Variants in PLEKHH2 observed in about 807,000 individuals in gnomAD.
The protein encoded by PLEKHH2 is pleckstrin homology, MyTH4 and FERM domain containing H2.
PLEKHH2 carries 129 observed loss-of-function variants against 187.9 expected under a neutral mutation model. That is an observed-to-expected ratio of 0.69 (90% CI 0.59 to 0.79). PLEKHH2 has a LOEUF of 0.79. Among genes scored for constraint, PLEKHH2 ranks in the 30% least tolerant of loss-of-function variants. The pLI, the probability that PLEKHH2 is intolerant of heterozygous loss-of-function variation, is 0.00. For synonymous variants in PLEKHH2, 686 were observed against 605.6 expected, an observed-to-expected ratio of 1.13 and a Z score of -1.95; for missense variants, 2,076 against 1,751.2, an observed-to-expected ratio of 1.19 and a Z score of -3.31.
At chr2:43,675,288 C>T (rs373246549) in intron 2 of PLEKHH2, 14 of 766,152 alleles carry the variant, frequency 1.8e-5, no homozygotes, top group African/African-American at 1.1e-4. Context: ...GAATGAAGTA[C>T]GTATTTTACA....
rs1672579783 is a variant in PLEKHH2, at chr2:43,765,348, T to G, written c.4297-65T>G. 5.3e-6 allele frequency: 8 copies of G among 1,516,054 alleles called. No individual in the cohort carries two copies. In the South Asian group the frequency reaches 8.5e-5, roughly 16 times the overall value. The allele number at this position is 1,516,054 out of a possible 1,614,324, so 93.9% of individuals were successfully genotyped here. ...ATGGAGCTCACCTGTGGCCAACACT[T>G]TACTCTCTTCTGGAAGTGATGAGAA... On this transcript the variant is annotated intron_variant, in intron 29 of 29. Coordinates refer to ENST00000282406, the MANE Select transcript of PLEKHH2 (RefSeq NM_172069.4).
rs956590575 is a variant in PLEKHH2 at position 43,725,394 on chromosome 2, G to A, written c.2542-878G>A. Among the ~76,000 whole-genome samples, 6 of 152,188 alleles carry A rather than the reference G, an allele frequency of 3.9e-5. 2 individuals carry two copies. The highest frequency in any genetic ancestry group is 3.9e-4 in the Admixed American group (6 of 15,278). On this transcript the variant is annotated intron_variant, in intron 16 of 29. Transcript: ENST00000282406. ...TTTTATTGGGGGGCCCATTGTACAA[G>A]TGTGGAGTTTGGTAATTACCCAGGA...
intron 1 of PLEKHH2, among the ~76,000 whole-genome samples, chr2:43,642,284 A>G (rs1464492215): frequency 1.3e-5 from 2 of 152,250 alleles, no homozygotes; most frequent in East Asian, 3.9e-4. Flanking sequence ...TTTCCTTGCT[A>G]GTGTATAGAA....
chr2:43,735,349 C>T (rs1009387545), intron 19 of PLEKHH2, among the ~76,000 whole-genome samples: 4 of 152,062 alleles, frequency 2.6e-5, no homozygotes, highest in African/African-American at 9.7e-5. Flanking sequence ...TATGTTTTCA[C>T]TCATAGGTGG....
rs1441961175 is a variant in PLEKHH2 at position 43,756,859 on chromosome 2, G to A, written c.3796-260G>A. On this transcript the variant is annotated intron_variant, in intron 25 of 29. Coordinates refer to ENST00000282406, the MANE Select transcript of PLEKHH2 (RefSeq NM_172069.4). Reference sequence around the variant, plus strand: ...AGCTATTCAGGAGGCTGAGGCAGGAGAATCAATTGAACCTGGGAGGCAGAG... The same window carrying A: ...AGCTATTCAGGAGGCTGAGGCAGGAAAATCAATTGAACCTGGGAGGCAGAG... 3.9e-5 allele frequency among the ~76,000 whole-genome samples: 6 copies of A among 152,232 alleles called. 1 individual carries two copies. Among genetic ancestry groups the A allele is most frequent in the Admixed American group, 3.9e-4 (6 of 15,274 alleles).
intron 3 of PLEKHH2, among the ~76,000 whole-genome samples, chr2:43,684,940 C>T (rs1668427683): frequency 6.6e-6 from 1 of 151,928 alleles, no homozygotes; most frequent in Admixed American, 6.6e-5. Context: ...TATTTTGTTA[C>T]ACTTCAGAAG....
At chr2:43,744,867 C>CAAAAAAAAAAA (rs774106764) in intron 23 of PLEKHH2, among the ~76,000 whole-genome samples, 80 of 82,000 alleles carry the variant, frequency 9.8e-4, no homozygotes, top group South Asian at 1.5e-3. Flanking sequence ...GACTGTCTCA[C>CAAAAAAAAAAA]AAAAAAAAAA....
chr2:43,720,812 T>G, intron 16 of PLEKHH2, 63 bp downstream of exon 16: 1 of 1,529,058 alleles, frequency 6.5e-7, no homozygotes, highest in Non-Finnish European at 8.7e-7. Context: ...CTTAAACTTT[T>G]CCTTTTCTCT....
chr2:43,643,920 C>T (rs1406465063), intron 1 of PLEKHH2, among the ~76,000 whole-genome samples: 2 of 152,064 alleles, frequency 1.3e-5, no homozygotes, highest in African/African-American at 2.4e-5. Flanking sequence ...CTTCTCCCTG[C>T]AATTAATATC....
At chr2:43,731,457 C>A in intron 18 of PLEKHH2, 33 bp from the exon 19 acceptor site, 1 of 1,373,970 alleles carries the variant, frequency 7.3e-7, no homozygotes, top group Non-Finnish European at 1.0e-6. Context: ...GTGGTTTATT[C>A]AGTTTTCTGT....
At chr2:43,655,829 T>G (rs2104363492) in intron 2 of PLEKHH2, among the ~76,000 whole-genome samples, 1 of 152,328 alleles carries the variant, frequency 6.6e-6, no homozygotes, top group East Asian at 1.9e-4. Context: ...ACTTTTAATT[T>G]GTAATATTAG....
intron 24 of PLEKHH2, among the ~76,000 whole-genome samples, chr2:43,747,120 C>G (rs1340845769): frequency 3.3e-5 from 5 of 151,788 alleles, no homozygotes; most frequent in African/African-American, 1.2e-4. Flanking sequence ...CTCTCTCTCT[C>G]TCTCTCTCTC....
chr2:43,644,844 T>C (rs12105773), intron 2 of PLEKHH2, 48 bp downstream of exon 2: 957,252 of 1,518,576 alleles, frequency 0.63, 305,989 homozygotes, highest in African/African-American at 0.78. Flanking sequence ...CTATTTAGGG[T>C]CTGCTTCATT....
chr2:43,678,207 A>T (rs1313302825), intron 2 of PLEKHH2, among the ~76,000 whole-genome samples: 1 of 144,484 alleles, frequency 6.9e-6, no homozygotes, highest in African/African-American at 2.6e-5. Flanking sequence ...CCGGGCAGAG[A>T]TGCTCCTCAC....
At chr2:43,736,583 CA>C (rs1671304090) in intron 19 of PLEKHH2, among the ~76,000 whole-genome samples, 1 of 152,078 alleles carries the variant, frequency 6.6e-6, no homozygotes, top group South Asian at 2.1e-4. Context: ...CCTGTAACCC[CA>C]GCACTTTGGG....
At chr2:43,721,790 G>A (rs1670494285) in intron 16 of PLEKHH2, among the ~76,000 whole-genome samples, 1 of 152,156 alleles carries the variant, frequency 6.6e-6, no homozygotes, top group Non-Finnish European at 1.5e-5. Context: ...GGAGATCAAG[G>A]TTGGAGGCTC....
rs372835795 is a variant in PLEKHH2 at position 43,758,968 on chromosome 2, G to A, written c.4010G>A (p.Arg1337His). Residue 1337 changes from arginine to histidine, a missense_variant, in exon 27 of 30, where the codon CGC becomes CAC. Physicochemically the swap from Arg to His is conservative, Grantham distance 29 (BLOSUM62 0). Coordinates refer to ENST00000282406, the MANE Select transcript of PLEKHH2 (RefSeq NM_172069.4). ...LRGHSAADCV[R>H]IYLTVARKWP... ...GGACACAGTGCTGCTGACTGTGTGC[G>A]CATTTATTTGACAGTAGCCAGGAAG... The A allele has an allele frequency of 6.8e-6, 11 of 1,612,366 alleles. No homozygotes were observed. Among genetic ancestry groups the A allele is most frequent in the African/African-American group, 5.3e-5 (4 of 74,902 alleles).
intron 3 of PLEKHH2, chr2:43,681,233 A>T: frequency 1.5e-6 from 1 of 655,690 alleles, no homozygotes; most frequent in Non-Finnish European, 2.7e-6. Context: ...TATTAAAGCG[A>T]TCTTTTTTCC....
intron 3 of PLEKHH2, among the ~76,000 whole-genome samples, chr2:43,688,015 G>A (rs1479753806): frequency 1.3e-5 from 2 of 152,018 alleles, no homozygotes; most frequent in Non-Finnish European, 2.9e-5. Flanking sequence ...TGCCCAGGCT[G>A]GCCTCAAACT....
Sources: allele counts gnomAD v4.1 joint callset (sites outside exome capture counted in the v4.1 genomes callset), GRCh38; gene constraint gnomAD v4.1.1; transcripts MANE v1.5; gene names NCBI Gene and HGNC (gene_info 2026-07-23, HGNC 2026-07-21).